Variants in GAS6 observed in about 807,000 individuals in gnomAD.
GAS6 encodes the protein growth arrest specific 6.
GAS6 carries 41 observed loss-of-function variants against 75.8 expected under a neutral mutation model. The observed-to-expected ratio is 0.54, with a 90% CI of 0.42 to 0.70. GAS6 has a LOEUF of 0.70. Ranked by LOEUF, GAS6 falls within the 30% of genes least tolerant of loss-of-function variation. GAS6 has a pLI of 0.00. For synonymous variants in GAS6, 432 were observed against 412.6 expected (o/e 1.05, Z -0.57); for missense variants, 854 against 940.2 (o/e 0.91, Z 1.20).
In GAS6 at chr13:113,842,600, G is replaced by C. The variant is rs1048719402; in HGVS notation, c.344-2750C>G. On this transcript the variant is annotated intron_variant, in intron 4 of 14. Transcript: ENST00000327773. ...AACTAGAGAAATGAGGGGCGTATCC[G>C]CTTCTCCACCCTGGCCTCAGATGAA... 7.6e-6 allele frequency: 3 copies of C among 397,050 alleles called. 1 individual carries two copies. Among genetic ancestry groups the C allele is most frequent in the South Asian group, 2.5e-4 (2 of 7,858 alleles). 24.6% of individuals were successfully genotyped at this position (397,050 alleles called of 1,614,324 possible). A position where few individuals can be genotyped will look rare whatever the true frequency, so the allele number is the denominator to read the frequency against.
chr13:113,828,181 G>A (rs544206760), intron 11 of GAS6, among the ~76,000 whole-genome samples: 28 of 152,136 alleles, frequency 1.8e-4, no homozygotes, highest in South Asian at 1.5e-3. Flanking sequence ...GGAGAATGGC[G>A]TGAACCCGGG....
At chr13:113,832,604 T>C (rs779039704) in intron 9 of GAS6, 30 bp downstream of exon 9, 75 of 1,611,996 alleles carry the variant, frequency 4.7e-5, no homozygotes, top group Non-Finnish European at 6.8e-6. Context: ...CCATTCTAAG[T>C]TGTGTTGCCT....
In GAS6 at chr13:113,837,860, T is replaced by G. The variant is rs2051733331; in HGVS notation, c.589+209A>C. The stretch of plus-strand genomic sequence containing the variant: ...GGGCCGGCCCCCTGAGTCCTGGCCC[T>G]CAGATGCCGGGTGAGTCATCCTGGT... On this transcript the variant is annotated intron_variant, in intron 6 of 14. Coordinates refer to ENST00000327773, the MANE Select transcript of GAS6 (RefSeq NM_000820.4). This position sits in a 1 kb window ranked among gnomAD's most constrained non-coding sequence, Gnocchi z 5.1. 6.6e-6 allele frequency among the ~76,000 whole-genome samples: 1 copy of G among 152,112 alleles called. No homozygotes were observed.
chr13:113,836,810 TGAG>T (rs1442083753), intron 6 of GAS6, among the ~76,000 whole-genome samples: 1 of 14,504 alleles, frequency 6.9e-5, no homozygotes, highest in African/African-American at 2.2e-4. Context: ...AGGAGGAAGA[TGAG>T]GAGGAGGAGG....
chr13:113,822,155 A>G lies in GAS6; in HGVS notation c.1685T>C (p.Leu562Ser), dbSNP rs1187714070. The G allele has an allele frequency of 1.3e-6, 2 of 1,589,066 alleles. No individual in the cohort carries two copies. The highest frequency in any genetic ancestry group is 1.7e-6 in the Non-Finnish European group (2 of 1,167,682). Residue 562 changes from leucine (L) to serine (S), a missense_variant, in exon 14 of 15, where the codon TTG (leucine) becomes TCG (serine). Physicochemically the swap from Leu to Ser is moderately radical, Grantham distance 145. Coordinates refer to ENST00000327773, the MANE Select transcript of GAS6 (RefSeq NM_000820.4). ...LVVLAVEHTA[L>S]ALMEIKVCDG... ...GCAGACCTTGATCTCCATTAGGGCC[A>G]AGGCCGTATGCTCCACGGCCAGGAC...
At chr13:113,822,838 CTT>C (rs1262722930) in intron 13 of GAS6, 1 of 153,498 alleles carries the variant, frequency 6.5e-6, no homozygotes, top group Non-Finnish European at 1.4e-5. Context: ...TCTGTCACCT[CTT>C]GATTGTTCTG....
intron 2 of GAS6, among the ~76,000 whole-genome samples, chr13:113,853,221 C>A (rs934012300): frequency 6.6e-6 from 1 of 152,246 alleles, no homozygotes; most frequent in African/African-American, 2.4e-5. Flanking sequence ...AGCCTAAAGT[C>A]AGTTTGGAAG....
chr13:113,835,652 A>G lies in GAS6; in HGVS notation c.590-17T>C, dbSNP rs201581393. On this transcript the variant is annotated splice_polypyrimidine_tract_variant and intron_variant, in intron 6 of 14. Coordinates refer to ENST00000327773, the MANE Select transcript of GAS6 (RefSeq NM_000820.4). ...CGTCTATGTCTGCAAGCAAAAAAAA[A>G]CCGGCCAACCGCAGCACAGCGGCAT... is the stretch of plus-strand genomic sequence containing the variant. 2 of 1,609,040 alleles carry G rather than the reference A, an allele frequency of 1.2e-6. No individual in the cohort carries two copies. Among genetic ancestry groups the G allele is most frequent in the African/African-American group, 2.7e-5 (2 of 74,896 alleles).
At chr13:113,858,640 TTTGTG>T (rs1454862514) in intron 2 of GAS6, among the ~76,000 whole-genome samples, 1 of 100,478 alleles carries the variant, frequency 1.0e-5, no homozygotes, top group African/African-American at 6.5e-5. Context: ...TGTCTGTGTG[TTTGTG>T]ACTGTATGTG....
chr13:113,835,734 T>C, intron 6 of GAS6, 99 bp from the exon 7 acceptor site: 1 of 1,526,118 alleles, frequency 6.6e-7, no homozygotes. Context: ...CACCCAGAGG[T>C]CGCATCCAGA....
chr13:113,833,278 C>T, intron 8 of GAS6: 1 of 1,038,346 alleles, frequency 9.6e-7, no homozygotes, highest in Non-Finnish European at 1.2e-6. Flanking sequence ...AGCTGGACAT[C>T]TCGCAGGGGT....
At chr13:113,827,589 A>G (rs9604465) in intron 11 of GAS6, among the ~76,000 whole-genome samples, 18,805 of 147,068 alleles carry the variant, frequency 0.13, 1,291 homozygotes, top group South Asian at 0.3. Flanking sequence ...TGGGCCTGGG[A>G]AGCAGGTGCC....
intron 5 of GAS6, 109 bp from the exon 6 acceptor site, chr13:113,838,300 C>A: frequency 7.3e-7 from 1 of 1,373,822 alleles, no homozygotes. Context: ...GGGAGGGAGC[C>A]CAGAGGTGCA....
chr13:113,823,443 C>G lies in GAS6; in HGVS notation c.1585G>C (p.Asp529His). Reference protein sequence around the residue: ...TGVLFALWAPDLRAVPLSVAL... With the variant: ...TGVLFALWAPHLRAVPLSVAL... ...ACAGAGAGAGGCACGGCACGGAGGT[C>G]GGGGGCCCAGAGCGCAAACAGCACG... The change falls in exon 13 of 15, where the codon GAC (aspartate) becomes CAC (histidine). Residue 529 changes from aspartate (D) to histidine (H), a missense_variant. Coordinates refer to ENST00000327773, the MANE Select transcript of GAS6 (RefSeq NM_000820.4). 6.2e-7 allele frequency: 1 copy of G among 1,612,748 alleles called. No individual in the cohort carries two copies. Among genetic ancestry groups the G allele is most frequent in the South Asian group, 1.1e-5 (1 of 91,078 alleles).
intron 2 of GAS6, among the ~76,000 whole-genome samples, chr13:113,860,823 A>G (rs2051965263): frequency 6.6e-6 from 1 of 151,964 alleles, no homozygotes; most frequent in Non-Finnish European, 1.5e-5. Context: ...AGGGCTTGAA[A>G]CCACAGGTGT....
chr13:113,823,611 G>A (rs911884148), intron 12 of GAS6, 61 bp from the exon 13 acceptor site: 17 of 1,504,168 alleles, frequency 1.1e-5, no homozygotes, highest in South Asian at 1.2e-5. Flanking sequence ...CAGTGAGGTC[G>A]GAGCAGGGCC....
intron 13 of GAS6, 37 bp from the exon 14 acceptor site, chr13:113,822,223 C>A: frequency 6.8e-7 from 1 of 1,462,920 alleles, no homozygotes; most frequent in Admixed American, 2.2e-5. Context: ...GCCTGCCGGC[C>A]ACCCCTACGT....
chr13:113,835,375 G>T (rs1005935833), intron 7 of GAS6, 138 bp downstream of exon 7: 3 of 1,033,500 alleles, frequency 2.9e-6, no homozygotes, highest in Non-Finnish European at 4.3e-6. Flanking sequence ...GCCATTACCA[G>T]GCTGATAGAA....
rs141287368 is a variant in GAS6 at position 113,832,658 on chromosome 13, C to A, written c.929G>T (p.Arg310Leu). 1.2e-6 allele frequency: 2 copies of A among 1,612,750 alleles called. No homozygotes were observed. The highest frequency in any genetic ancestry group is 1.7e-5 in the Admixed American group (1 of 60,028). ...CCTGGTGGGCTGCAGCCTCTTGAAG[C>A]GCAGTCGGATCACGGGGGTCCCACT... ...MFSGTPVIRL[R>L]FKRLQPTRLV... The change falls in exon 9 of 15, where the codon CGC (arginine) becomes CTC (leucine). Residue 310 changes from arginine to leucine, a missense_variant. Physicochemically the swap from Arg to Leu is moderately radical, Grantham distance 102. Coordinates refer to ENST00000327773, the MANE Select transcript of GAS6 (RefSeq NM_000820.4).
Sources: gnomAD v4.1 joint callset for allele counts (sites outside exome capture counted in the v4.1 genomes callset) on GRCh38, gnomAD v4.1.1 for gene constraint, Gnocchi (gnomAD v3.1) non-coding constraint, MANE v1.5 for transcripts, NCBI Gene and HGNC (gene_info 2026-07-23, HGNC 2026-07-21) for gene names.